Variants in CES5A observed in about 807,000 individuals in gnomAD.
CES5A encodes carboxylesterase 5.
In CES5A, 67 loss-of-function variants were observed where a neutral mutation model predicts 62.9. That is an observed-to-expected ratio of 1.07 (90% CI 0.88 to 1.31). CES5A has a LOEUF of 1.31. Among genes scored for constraint, CES5A ranks in the 50% most tolerant of loss-of-function variants. The probability of loss-of-function intolerance (pLI) is 0.00; values close to 1 mark genes in which losing one functional copy is unlikely to be tolerated. For synonymous variants in CES5A, 296 were observed against 280.8 expected, an observed-to-expected ratio of 1.05 and a Z score of -0.54; for missense variants, 748 against 708.5, an observed-to-expected ratio of 1.06 and a Z score of -0.63.
rs772979790 is a variant in CES5A at position 55,846,791 on chromosome 16, G to GT, written c.1472dup (p.Tyr491Ter). The GT allele has an allele frequency of 6.2e-7, 1 of 1,614,056 alleles. No homozygotes were observed. The highest frequency in any genetic ancestry group is 8.5e-7 in the Non-Finnish European group (1 of 1,180,016). ...ACCCGGTTCGAGCAAAGGTAGCCCA[G>GT]TATTTCATCATCTTCCGGCTCAGTA... ...EKLLSRKMMK[Y>*]WATFARTGNP... The change falls in exon 12 of 13, where the codon TAC (tyrosine) becomes TAAC (stop). Residue 491 changes from tyrosine to a stop codon, truncating the protein, a stop_gained and frameshift_variant. Coordinates refer to ENST00000290567, the MANE Select transcript of CES5A (RefSeq NM_001143685.2). LOFTEE classifies it low-confidence loss of function (END_TRUNC).
chr16:55,938,054 G>A (rs1380647089), intron 2 of CES5A, among the ~76,000 whole-genome samples: 1 of 151,858 alleles, frequency 6.6e-6, no homozygotes, highest in Admixed American at 6.6e-5. Context: ...TCTCCTCCTC[G>A]AATACTGAGT....
At chr16:55,918,114 G>A (rs2034166308) in intron 1 of CES5A, among the ~76,000 whole-genome samples, 1 of 152,208 alleles carries the variant, frequency 6.6e-6, no homozygotes. Context: ...GGTACCTGGA[G>A]TATCTCTGCT....
intron 2 of CES5A, chr16:55,871,977 T>G (rs2033599251): frequency 1.9e-6 from 1 of 517,030 alleles, no homozygotes; most frequent in Non-Finnish European, 3.5e-6. Context: ...GGTTCCTGGG[T>G]AGGAAAGCAC....
At position 55,856,369 on chromosome 16, in the gene CES5A, C is replaced by A; in HGVS notation, c.1125+8G>T. 1 of 1,613,832 alleles carries A rather than the reference C, an allele frequency of 6.2e-7. No homozygotes were observed. Among genetic ancestry groups the A allele is most frequent in the Non-Finnish European group, 8.5e-7 (1 of 1,179,774 alleles). ...CTCTGGAGTACTGCAGCCTCCCAAGCTACTCACCAGGATGTTTTGTATCAG... is the reference window on the plus strand; with the variant it reads ...CTCTGGAGTACTGCAGCCTCCCAAGATACTCACCAGGATGTTTTGTATCAG... On this transcript the variant is annotated splice_region_variant and intron_variant, in intron 9 of 12. Transcript: ENST00000290567.
intron 2 of CES5A, chr16:55,944,143 C>CT (rs1445818980): frequency 2.9e-6 from 2 of 701,488 alleles, no homozygotes; most frequent in Non-Finnish European, 5.2e-6. Flanking sequence ...CTCTGTATTA[C>CT]TTATGGGCTA....
intron 2 of CES5A, among the ~76,000 whole-genome samples, chr16:55,947,539 G>C (rs9788832): frequency 0.3 from 45,861 of 151,784 alleles, 7,167 homozygotes; most frequent in Non-Finnish European, 0.33. Context: ...GGGAGGAATA[G>C]ACTAAATAAA....
intron 1 of CES5A, among the ~76,000 whole-genome samples, chr16:55,924,496 C>G (rs2034239466): frequency 6.6e-6 from 1 of 151,866 alleles, no homozygotes; most frequent in Non-Finnish European, 1.5e-5. Context: ...ACCATACTAC[C>G]CAAAGCAATT....
At chr16:55,936,992 C>A (rs780069527) in intron 2 of CES5A, among the ~76,000 whole-genome samples, 44 of 152,122 alleles carry the variant, frequency 2.9e-4, no homozygotes, top group Non-Finnish European at 5.6e-4. Flanking sequence ...ATGTTAAGTA[C>A]AACAGCAAAT....
chr16:55,856,798 G>A (rs7500165), intron 8 of CES5A, among the ~76,000 whole-genome samples: 50,325 of 152,102 alleles, frequency 0.33, 9,584 homozygotes, highest in African/African-American at 0.52. Flanking sequence ...AGTACTTTTA[G>A]AGGGGTGATT....
intron 9 of CES5A, among the ~76,000 whole-genome samples, chr16:55,854,734 G>A (rs1463376686): frequency 1.3e-4 from 19 of 151,042 alleles, no homozygotes; most frequent in African/African-American, 4.6e-4. Flanking sequence ...GTCTCCCTGT[G>A]TTGCCCAGGC....
At chr16:55,925,147 G>A (rs1237063441) in intron 1 of CES5A, among the ~76,000 whole-genome samples, 1 of 151,846 alleles carries the variant, frequency 6.6e-6, no homozygotes, top group African/African-American at 2.4e-5. Context: ...GAATATATAA[G>A]GAACTCAAAC....
chr16:55,938,827 TATATATATACAC>T lies in CES5A; in HGVS notation c.160+10946_160+10957del, dbSNP rs1272416405. On this transcript the variant is annotated intron_variant, in intron 2 of 13. Coordinates refer to the CES5A transcript ENST00000521992. ...ACATATATATATATACACACACATA[TATATATATACAC>T]ATATATATATGTAGATATGTATTAA... 2.1e-4 allele frequency among the ~76,000 whole-genome samples: 24 copies of T among 115,152 alleles called. No homozygotes were observed. The East Asian group carries it at 2.4e-3, about 11-fold the overall frequency. 75.5% of individuals were successfully genotyped at this position (115,152 alleles called of 152,430 possible). A position where few individuals can be genotyped will look rare whatever the true frequency, so the allele number is the denominator to read the frequency against.
intron 1 of CES5A, among the ~76,000 whole-genome samples, chr16:55,891,368 T>A: frequency 6.6e-6 from 1 of 152,248 alleles, no homozygotes; most frequent in East Asian, 1.9e-4. Context: ...ATTCGAGTGC[T>A]ATTTCTTTTG....
intron 1 of CES5A, among the ~76,000 whole-genome samples, chr16:55,891,624 C>A (rs1316379251): frequency 1.3e-5 from 2 of 152,134 alleles, no homozygotes; most frequent in African/African-American, 4.8e-5. Context: ...TTCTGATTAG[C>A]CTTTCCAAAG....
intron 1 of CES5A, among the ~76,000 whole-genome samples, chr16:55,887,309 A>G (rs2033827055): frequency 6.6e-6 from 1 of 151,722 alleles, no homozygotes; most frequent in African/African-American, 2.4e-5. Flanking sequence ...TTGACCCAAC[A>G]AAGAGTCCAC....
At chr16:55,899,717 A>T (rs1281779856) in intron 1 of CES5A, among the ~76,000 whole-genome samples, 1 of 152,218 alleles carries the variant, frequency 6.6e-6, no homozygotes, top group Non-Finnish European at 1.5e-5. Context: ...CGATAGTCAC[A>T]GCTAGTGGAG....
At chr16:55,866,589 G>A (rs1478230427) in intron 4 of CES5A, among the ~76,000 whole-genome samples, 8 of 150,398 alleles carry the variant, frequency 5.3e-5, no homozygotes, top group African/African-American at 1.5e-4. Flanking sequence ...TTGGGAGGCC[G>A]AGGCGGGCAG....
At chr16:55,864,533 C>T (rs1233127590) in intron 5 of CES5A, among the ~76,000 whole-genome samples, 1 of 152,070 alleles carries the variant, frequency 6.6e-6, no homozygotes, top group Non-Finnish European at 1.5e-5. Context: ...AACAAATGAA[C>T]TGTATGTGTA....
rs150692373 is a variant in CES5A at position 55,873,681 on chromosome 16, G to A, written c.278+152C>T. On this transcript the variant is annotated intron_variant, in intron 2 of 12. Transcript: ENST00000290567. ...GCCATCAGCCAGTTTAGGAGTCAGG[G>A]GATTACCAAACCACTCGCCCGAGTC... 9.3e-4 allele frequency: 628 copies of A among 678,388 alleles called. 12 individuals carry two copies. The East Asian group carries it at 0.017, about 18-fold the overall frequency. 42.0% of individuals were successfully genotyped at this position (678,388 alleles called of 1,614,324 possible). A position where few individuals can be genotyped will look rare whatever the true frequency, so the allele number is the denominator to read the frequency against.
Sources: gnomAD v4.1 joint callset for allele counts (sites outside exome capture counted in the v4.1 genomes callset) on GRCh38, gnomAD v4.1.1 for gene constraint, MANE v1.5 for transcripts, NCBI Gene and HGNC (gene_info 2026-07-23, HGNC 2026-07-21) for gene names.